Variants in TNKS observed in about 807,000 individuals in gnomAD.
The protein encoded by TNKS is tankyrase, also known as poly [ADP-ribose] polymerase tankyrase-1.
A neutral mutation model predicts 135.8 loss-of-function variants in TNKS; 72 were observed. The ratio of observed to expected loss-of-function variants is 0.53; its 90% CI spans 0.44 to 0.64. The LOEUF is 0.64. TNKS is among the 30% of genes least tolerant of loss of function. TNKS has a pLI of 0.00. For synonymous variants in TNKS, 849 were observed against 649.3 expected (o/e 1.31, Z -4.68); for missense variants, 1,769 against 1,674.0 (o/e 1.06, Z -0.99).
intron 17 of TNKS, among the ~76,000 whole-genome samples, chr8:9,747,460 C>G (rs74568048): frequency 1.8e-3 from 276 of 152,266 alleles, no homozygotes; most frequent in African/African-American, 6.2e-3. Flanking sequence ...AACATTTCCT[C>G]CACCCGGCAA....
chr8:9,634,649 G>A (rs1250063415), intron 3 of TNKS, among the ~76,000 whole-genome samples: 2 of 152,144 alleles, frequency 1.3e-5, no homozygotes, highest in East Asian at 3.9e-4. Flanking sequence ...TGTGGATTTG[G>A]ATTGAAGTTG....
intron 3 of TNKS, among the ~76,000 whole-genome samples, chr8:9,672,916 T>A (rs1802365152): frequency 6.6e-6 from 1 of 152,104 alleles, no homozygotes; most frequent in African/African-American, 2.4e-5. Context: ...TATCAAAAAG[T>A]TCTTTCATGT....
chr8:9,600,662 C>T (rs957980798), intron 2 of TNKS, among the ~76,000 whole-genome samples: 9 of 151,768 alleles, frequency 5.9e-5, no homozygotes, highest in African/African-American at 1.7e-4. Context: ...TTCCCACTGA[C>T]GTACTTGGAA....
At chr8:9,664,644 T>G (rs572759127) in intron 3 of TNKS, among the ~76,000 whole-genome samples, 264 of 152,362 alleles carry the variant, frequency 1.7e-3, no homozygotes, top group Non-Finnish European at 3.2e-3. Flanking sequence ...TCACTCACAG[T>G]ACATATACAG....
chr8:9,704,794 T>G (rs1803975652), intron 6 of TNKS, 37 bp downstream of exon 6: 2 of 1,539,226 alleles, frequency 1.3e-6, no homozygotes, highest in Non-Finnish European at 1.8e-6. Context: ...AGTGCTTTGT[T>G]TTTTGTCTGA....
intron 1 of TNKS, among the ~76,000 whole-genome samples, chr8:9,570,790 C>G (rs777341024): frequency 6.6e-6 from 1 of 152,150 alleles, no homozygotes; most frequent in Non-Finnish European, 1.5e-5. Context: ...AGGGTATGCT[C>G]AGGCTAAGTC....
At chr8:9,572,313 G>C (rs1218674110) in intron 1 of TNKS, among the ~76,000 whole-genome samples, 10 of 152,084 alleles carry the variant, frequency 6.6e-5, no homozygotes, top group Admixed American at 6.6e-4. Context: ...TTTGTTTTTA[G>C]CTGATTTGTT....
intron 5 of TNKS, among the ~76,000 whole-genome samples, chr8:9,697,322 T>C (rs565467037): frequency 1.3e-5 from 2 of 152,222 alleles, no homozygotes; most frequent in South Asian, 4.1e-4. Context: ...AAGAATTTAA[T>C]TATAAAACCT....
Position 9,780,485 on chromosome 8 carries a change from G to A in TNKS, c.*3749G>A, listed in dbSNP as rs1489639546. The A allele has an allele frequency of 6.6e-6, 1 of 152,202 alleles. No individual in the cohort carries two copies. Among genetic ancestry groups the A allele is most frequent in the African/African-American group, 2.4e-5 (1 of 41,462 alleles). The allele number at this position is 152,202 out of a possible 1,614,324, so 9.4% of individuals were successfully genotyped here. Reference sequence around the variant, plus strand: ...TTTGTTTAATGTCAGATCAGTGACAGAAGTGAAAAGAAAGTAATTGTGAAA... The same window carrying A: ...TTTGTTTAATGTCAGATCAGTGACAAAAGTGAAAAGAAAGTAATTGTGAAA... On this transcript the variant is annotated 3_prime_UTR_variant, in exon 27 of 27. Transcript: ENST00000310430.
chr8:9,661,040 CTCT>C (rs1801683813), intron 3 of TNKS, among the ~76,000 whole-genome samples: 1 of 151,266 alleles, frequency 6.6e-6, no homozygotes, highest in Non-Finnish European at 1.5e-5. Context: ...CGTGAAGGAC[CTCT>C]TCAAGGAGAA....
chr8:9,700,464 G>C (rs926551607), intron 5 of TNKS, among the ~76,000 whole-genome samples: 1 of 152,080 alleles, frequency 6.6e-6, no homozygotes, highest in Non-Finnish European at 1.5e-5. Context: ...TTTTGTTTTA[G>C]CCTTAACCTC....
intron 5 of TNKS, among the ~76,000 whole-genome samples, chr8:9,697,925 A>G (rs1396590420): frequency 1.3e-5 from 2 of 152,242 alleles, no homozygotes; most frequent in African/African-American, 4.8e-5. Flanking sequence ...AAAATAGATT[A>G]TCATACCAAA....
In TNKS at chr8:9,683,327, C is replaced by G. The variant is rs186215610; in HGVS notation, c.1107+2527C>G. ...GTATCTGTCCTAGTAGATATGTAGT[C>G]CTTTTTTAGAACATTTCTATGTGTT... On this transcript the variant is annotated intron_variant, in intron 5 of 26. Coordinates refer to ENST00000310430, the MANE Select transcript of TNKS (RefSeq NM_003747.3). Among the ~76,000 whole-genome samples the G allele has an allele frequency of 1.1e-4, 17 of 151,974 alleles. No individual in the cohort carries two copies. In the East Asian group the frequency reaches 1.9e-3, roughly 17 times the overall value.
chr8:9,678,810 A>G (rs1298615386), intron 3 of TNKS, among the ~76,000 whole-genome samples: 1 of 152,228 alleles, frequency 6.6e-6, no homozygotes, highest in African/African-American at 2.4e-5. Context: ...TCATAATAGA[A>G]TAACATTTTC....
intron 3 of TNKS, among the ~76,000 whole-genome samples, chr8:9,637,246 G>C (rs1800547373): frequency 6.6e-6 from 1 of 152,124 alleles, no homozygotes; most frequent in African/African-American, 2.4e-5. Context: ...TTGATTTGTG[G>C]ATTATCAGAA....
At chr8:9,683,812 A>G (rs1802878381) in intron 5 of TNKS, among the ~76,000 whole-genome samples, 2 of 151,936 alleles carry the variant, frequency 1.3e-5, no homozygotes, top group African/African-American at 4.8e-5. Flanking sequence ...TTTCCCAAAG[A>G]CAATTGTTTT....
chr8:9,665,206 T>A (rs1585300465), intron 3 of TNKS, among the ~76,000 whole-genome samples: 1 of 152,334 alleles, frequency 6.6e-6, no homozygotes, highest in Non-Finnish European at 1.5e-5. Context: ...TCCTTGAGCT[T>A]CCTGTCAAAC....
intron 19 of TNKS, 91 bp downstream of exon 19, chr8:9,751,937 A>G (rs1454314767): frequency 2.7e-6 from 3 of 1,119,114 alleles, no homozygotes; most frequent in South Asian, 2.8e-5. Context: ...GAATGCCTCA[A>G]TTAGAGACGT....
intron 20 of TNKS, among the ~76,000 whole-genome samples, chr8:9,755,111 TCA>T (rs1375065633): frequency 3.9e-5 from 6 of 152,236 alleles, no homozygotes; most frequent in African/African-American, 1.2e-4. Flanking sequence ...TAAAGAATGT[TCA>T]TTTTTCTTCT....
Sources: allele counts gnomAD v4.1 joint callset (sites outside exome capture counted in the v4.1 genomes callset), GRCh38; gene constraint gnomAD v4.1.1; transcripts MANE v1.5; gene names NCBI Gene and HGNC (gene_info 2026-07-23, HGNC 2026-07-21).